The following PLXNB2 variants were observed in gnomAD, a reference collection of about 807,000 sequenced individuals.
PLXNB2 encodes plexin-B2.
Under a neutral mutation model 202.6 loss-of-function variants are expected in PLXNB2, and 85 were observed. The observed-to-expected ratio is 0.42, with a 90% CI of 0.35 to 0.50. PLXNB2 has a LOEUF of 0.50. Ranked by LOEUF, PLXNB2 falls within the 20% of genes least tolerant of loss-of-function variation. PLXNB2 has a pLI of 0.02. For missense variants in PLXNB2, 2,063 were observed against 2,586.2 expected, an observed-to-expected ratio of 0.80 and a Z score of 4.39; for synonymous variants, 1,239 against 1,137.6, an observed-to-expected ratio of 1.09 and a Z score of -1.79.
rs774393088 is a variant in PLXNB2 at position 50,289,486 on chromosome 22, G to A, written c.1068+31C>T. 47 of 1,564,338 alleles carry A rather than the reference G, an allele frequency of 3.0e-5. No homozygotes were observed. The highest frequency in any genetic ancestry group is 3.5e-5 in the Non-Finnish European group (40 of 1,152,996). ...ACCCACGAACGGACGCCTGCAGTCC[G>A]GGCCCTGCGAGAACACACTGAGGCC... is the stretch of plus-strand genomic sequence containing the variant. On this transcript the variant is annotated intron_variant, in intron 3 of 36. Transcript: ENST00000359337. This position sits in a 1 kb window ranked among gnomAD's most constrained non-coding sequence, Gnocchi z 8.0.
intron 1 of PLXNB2, among the ~76,000 whole-genome samples, chr22:50,295,716 G>A (rs979174826): frequency 2.0e-5 from 3 of 152,156 alleles, no homozygotes; most frequent in Non-Finnish European, 4.4e-5. Context: ...ATGCAGGTGC[G>A]TCTGTGCTGA....
intron 1 of PLXNB2, chr22:50,300,286 G>T (rs1047109656): frequency 1.0e-6 from 1 of 985,130 alleles, no homozygotes; most frequent in Non-Finnish European, 1.2e-6. Context: ...CCTGGCGTCG[G>T]GCACATCGGA....
chr22:50,283,525 C>T (rs1203467793), intron 15 of PLXNB2, 77 bp downstream of exon 15: 3 of 1,561,222 alleles, frequency 1.9e-6, no homozygotes, highest in East Asian at 2.3e-5. Context: ...TCAGCCTCCC[C>T]ACCCACCCAG....
chr22:50,294,938 G>A (rs184579978), intron 1 of PLXNB2, among the ~76,000 whole-genome samples, 160 bp from the exon 2 acceptor site: 34 of 152,318 alleles, frequency 2.2e-4, no homozygotes, highest in African/African-American at 7.7e-4. Flanking sequence ...CCCTTCCTCA[G>A]ACACCTCCAG....
rs376653010 is a variant in PLXNB2 at position 50,275,881 on chromosome 22, G to T, written c.5412+8C>A. On this transcript the variant is annotated splice_region_variant and intron_variant, in intron 36 of 36. Coordinates refer to ENST00000359337, the MANE Select transcript of PLXNB2 (RefSeq NM_012401.4). Reference sequence around the variant, plus strand: ...CACCTGCCCCCGCCCCCGGGGGCCTGACCCTACCTCGTCATAGTACTTCTG... The same window carrying T: ...CACCTGCCCCCGCCCCCGGGGGCCTTACCCTACCTCGTCATAGTACTTCTG... 1.9e-6 allele frequency: 3 copies of T among 1,612,378 alleles called. No homozygotes were observed. Among genetic ancestry groups the T allele is most frequent in the Non-Finnish European group, 2.5e-6 (3 of 1,179,702 alleles).
chr22:50,282,535 G>A, intron 18 of PLXNB2, 176 bp downstream of exon 18: 1 of 673,334 alleles, frequency 1.5e-6, no homozygotes, highest in South Asian at 1.9e-5. Context: ...AGCCTCTGGT[G>A]TGCCCATCTG....
At chr22:50,295,681 G>A (rs1032312580) in intron 1 of PLXNB2, among the ~76,000 whole-genome samples, 3 of 152,184 alleles carry the variant, frequency 2.0e-5, no homozygotes, top group Non-Finnish European at 4.4e-5. Flanking sequence ...CCCACCAGAG[G>A]ATACTGTGGA....
At position 50,283,589 on chromosome 22, in the gene PLXNB2, G is replaced by A. The variant is rs775636003; in HGVS notation, c.2570+13C>T. 6.8e-6 allele frequency: 11 copies of A among 1,612,016 alleles called. 2 individuals are homozygous for A. The South Asian group carries it at 1.2e-4, about 18-fold the overall frequency. On this transcript the variant is annotated intron_variant, in intron 15 of 36. Coordinates refer to ENST00000359337, the MANE Select transcript of PLXNB2 (RefSeq NM_012401.4). ...CCCAGCTGACAGGGCCCAGACCAGG[G>A]CCGTCCACTCACCGGGTGGACACGG...
Position 50,287,735 on chromosome 22 carries a change from G to A in PLXNB2, c.1540C>T (p.Arg514Ter). ...AEEASHWLWS[R>*]SKSCVAVTSA... is the part of the protein sequence containing the mutation. ...GTGACGGCCACGCAGGACTTGCTTC[G>A]GCTCCACAGCCAGTGGCTGGCCTCC... The change falls in exon 7 of 37, where the codon CGA becomes TGA. Residue 514 changes from arginine to a stop codon, truncating the protein, a stop_gained. Transcript: ENST00000359337. LOFTEE classifies it high-confidence loss of function. The A allele has an allele frequency of 1.3e-6, 2 of 1,579,550 alleles. No individual in the cohort carries two copies. Among genetic ancestry groups the A allele is most frequent in the Non-Finnish European group, 1.7e-6 (2 of 1,168,450 alleles).
chr22:50,302,429 C>T (rs780265512), intron 1 of PLXNB2, among the ~76,000 whole-genome samples: 2 of 152,154 alleles, frequency 1.3e-5, no homozygotes, highest in Non-Finnish European at 2.9e-5. Context: ...TTGCTCCACG[C>T]GGAGGCTTGC....
At position 50,277,581 on chromosome 22, in the gene PLXNB2, C is replaced by G; in HGVS notation, c.5196+10G>C. 3.2e-6 allele frequency: 5 copies of G among 1,556,602 alleles called. No homozygotes were observed. The highest frequency in any genetic ancestry group is 4.4e-6 in the Non-Finnish European group (5 of 1,147,264). ...CCTCCCTGCCCCAGACCTGCCCCCA[C>G]CCCACTCACGCGGCTCAGCTTATGC... is the stretch of plus-strand genomic sequence containing the variant. On this transcript the variant is annotated intron_variant, in intron 33 of 36. Coordinates refer to ENST00000359337, the MANE Select transcript of PLXNB2 (RefSeq NM_012401.4).
chr22:50,279,946 G>A (rs1340723055), intron 26 of PLXNB2, 59 bp downstream of exon 26: 4 of 1,453,484 alleles, frequency 2.8e-6, no homozygotes, highest in South Asian at 1.2e-5. Context: ...GAACGCAGGA[G>A]GGGATGGCAG....
At chr22:50,299,111 C>T (rs1194085123) in intron 1 of PLXNB2, among the ~76,000 whole-genome samples, 7 of 152,356 alleles carry the variant, frequency 4.6e-5, no homozygotes, top group African/African-American at 1.7e-4. Context: ...AGCGGCCCGG[C>T]AGGGGCCAAG....
intron 2 of PLXNB2, among the ~76,000 whole-genome samples, chr22:50,292,314 G>GA (rs1360442047): frequency 6.7e-6 from 1 of 149,266 alleles, no homozygotes; most frequent in East Asian, 2.0e-4. Flanking sequence ...CTCCAGCCTG[G>GA]GTGACAGAGC....
chr22:50,278,780 A>G (rs2065787249), intron 28 of PLXNB2, 75 bp downstream of exon 28: 2 of 1,591,286 alleles, frequency 1.3e-6, no homozygotes, highest in Non-Finnish European at 1.7e-6. Flanking sequence ...AAAGCTGGCC[A>G]GGCAGGATAC....
Position 50,283,900 on chromosome 22 carries a change from T to G in PLXNB2, c.2354A>C (p.Gln785Pro), listed in dbSNP as rs770513867. ...PDYRCAWCGG[Q>P]SRCVYEALCN... Reference sequence around the variant, plus strand: ...CAGGGCCTCATACACGCACCTGCTCTGGCCCCCGCACCACGCACACCTGTA... The same window carrying G: ...CAGGGCCTCATACACGCACCTGCTCGGGCCCCCGCACCACGCACACCTGTA... The change falls in exon 14 of 37, where the codon CAG becomes CCG. Residue 785 changes from glutamine (Q) to proline (P), a missense_variant. This residue lies in a region of PLXNB2 where 1,303 missense variants were observed against 1,476.8 expected (regional missense o/e 0.88). Transcript: ENST00000359337. 6.3e-7 allele frequency: 1 copy of G among 1,589,458 alleles called. No homozygotes were observed. Among genetic ancestry groups the G allele is most frequent in the East Asian group, 2.3e-5 (1 of 43,674 alleles).
intron 8 of PLXNB2, 103 bp downstream of exon 8, chr22:50,287,008 T>C (rs1017668006): frequency 8.4e-7 from 1 of 1,184,918 alleles, no homozygotes; most frequent in South Asian, 1.7e-5. Flanking sequence ...GGAGTGTGCC[T>C]GTGCAGAGCC....
chr22:50,305,988 C>T (rs1460519223), intron 1 of PLXNB2, among the ~76,000 whole-genome samples: 1 of 152,194 alleles, frequency 6.6e-6, no homozygotes, highest in Admixed American at 6.5e-5. Flanking sequence ...TAGAAAGTGG[C>T]AGAGCTGCCC....
In PLXNB2 at chr22:50,284,814, T is replaced by A; in HGVS notation, c.2089-149A>T. On this transcript the variant is annotated intron_variant, in intron 11 of 36. Coordinates refer to ENST00000359337, the MANE Select transcript of PLXNB2 (RefSeq NM_012401.4). This position sits in a 1 kb window ranked among gnomAD's most constrained non-coding sequence, Gnocchi z 8.0. ...CCGCCCCTCAGATTACCATGCCAGC[T>A]GACCCCTCGGCCACTCCTGAGCCCA... 1.3e-6 allele frequency: 1 copy of A among 771,002 alleles called. No individual in the cohort carries two copies. Among genetic ancestry groups the A allele is most frequent in the Admixed American group, 1.7e-5 (1 of 57,548 alleles). 47.8% of individuals were successfully genotyped at this position (771,002 alleles called of 1,614,324 possible).
Sources: allele counts gnomAD v4.1 joint callset (sites outside exome capture counted in the v4.1 genomes callset), GRCh38; gene constraint gnomAD v4.1.1; regional missense constraint gnomAD v4.1.1; non-coding constraint Gnocchi (gnomAD v3.1); transcripts MANE v1.5; gene names NCBI Gene and HGNC (gene_info 2026-07-23, HGNC 2026-07-21).